The following RBAK variants were observed in gnomAD, a reference collection of about 807,000 sequenced individuals.
RBAK encodes the protein RB associated KRAB zinc finger.
A neutral mutation model predicts 65.8 loss-of-function variants in RBAK; 39 were observed. The observed-to-expected ratio is 0.59, with a 90% CI of 0.46 to 0.77. The LOEUF (loss-of-function observed/expected upper bound fraction) is 0.77, where lower values mean the gene tolerates loss of function less well. Ranked by LOEUF, RBAK falls within the 30% of genes least tolerant of loss-of-function variation. The pLI is 0.00. For synonymous variants in RBAK, 343 were observed against 289.7 expected, an observed-to-expected ratio of 1.18 and a Z score of -1.87; for missense variants, 884 against 855.1, an observed-to-expected ratio of 1.03 and a Z score of -0.42.
At chr7:5,058,366 G>A (rs559812609) in intron 4 of RBAK, among the ~76,000 whole-genome samples, 5 of 152,208 alleles carry the variant, frequency 3.3e-5, no homozygotes, top group Non-Finnish European at 2.9e-5. Context: ...TGAGGCTCCC[G>A]GCCTTACAGA....
chr7:5,057,595 A>T (rs554379462), intron 3 of RBAK, 89 bp from the exon 4 acceptor site: 2 of 1,594,716 alleles, frequency 1.3e-6, no homozygotes, highest in African/African-American at 1.3e-5. Flanking sequence ...CACTTCTGTT[A>T]TGCAGCTTAT....
chr7:5,055,431 A>C (rs189898441), intron 2 of RBAK, among the ~76,000 whole-genome samples: 2 of 152,160 alleles, frequency 1.3e-5, no homozygotes, highest in Admixed American at 1.3e-4. Flanking sequence ...TGAAGTATCC[A>C]TCAGTTTCTA....
chr7:5,063,323 C>T (rs148559702), intron 4 of RBAK, among the ~76,000 whole-genome samples: 26 of 152,300 alleles, frequency 1.7e-4, no homozygotes, highest in East Asian at 1.5e-3. Flanking sequence ...CTGGATCTGA[C>T]GTACTTTCAA....
Position 5,056,211 on chromosome 7 carries a change from G to C in RBAK, c.16-1084G>C, listed in dbSNP as rs1265563129. Among the ~76,000 whole-genome samples the C allele has an allele frequency of 4.0e-5, 6 of 149,390 alleles. No homozygotes were observed. In the Admixed American group the frequency reaches 4.0e-4, roughly 10 times the overall value. On this transcript the variant is annotated intron_variant, in intron 2 of 4. Coordinates refer to ENST00000396912, the MANE Select transcript of RBAK (RefSeq NM_021163.4). ...CAGCCTTGACCTCCCAGGCTCAAGT[G>C]ATCCTCCTGCCTTAGCCTCCCAAGT...
intron 3 of RBAK, 113 bp from the exon 4 acceptor site, chr7:5,057,571 G>C: frequency 6.3e-7 from 1 of 1,583,742 alleles, no homozygotes; most frequent in Non-Finnish European, 8.6e-7. Context: ...ACTTTGATAA[G>C]GTAAAAAATG....
rs1346079548 is a variant in RBAK at position 5,068,460 on chromosome 7, G to T, written c.*2859G>T. On this transcript the variant is annotated 3_prime_UTR_variant, in exon 5 of 5. Coordinates refer to ENST00000396912, the MANE Select transcript of RBAK (RefSeq NM_021163.4). ...TAGAGGATATCCAGACGGCCAATAA[G>T]CATGAAAAGATGTGTTAGCTTTATT... 1 of 152,198 alleles carries T rather than the reference G, an allele frequency of 6.6e-6. No homozygotes were observed. The highest frequency in any genetic ancestry group is 1.5e-5 in the Non-Finnish European group (1 of 68,024). 9.4% of individuals were successfully genotyped at this position (152,198 alleles called of 1,614,324 possible).
rs978022332 is a variant in RBAK, at chr7:5,064,723, C to T, written c.1267C>T (p.His423Tyr). 1.2e-6 allele frequency: 2 copies of T among 1,613,466 alleles called. No homozygotes were observed. Among genetic ancestry groups the T allele is most frequent in the Non-Finnish European group, 1.7e-6 (2 of 1,179,536 alleles). Residue 423 changes from histidine (H) to tyrosine (Y), a missense_variant, in exon 5 of 5, where the codon CAC becomes TAC. Physicochemically the swap from His to Tyr is moderately conservative, Grantham distance 83. Coordinates refer to ENST00000396912, the MANE Select transcript of RBAK (RefSeq NM_021163.4). This position sits in a 1 kb window ranked among gnomAD's most constrained non-coding sequence, Gnocchi z 6.3. ...TACTCTGATTACACATCAGAGAACA[C>T]ACACGGGAGAGAAGCCCTATCAGTG... Reference protein sequence around the residue: ...KSTLITHQRTHTGEKPYQCSE... With the variant: ...KSTLITHQRTYTGEKPYQCSE...
At chr7:5,060,938 A>C (rs1360917116) in intron 4 of RBAK, among the ~76,000 whole-genome samples, 1 of 152,230 alleles carries the variant, frequency 6.6e-6, no homozygotes, top group East Asian at 1.9e-4. Context: ...ACATAAAAAT[A>C]AAAGTACATC....
chr7:5,057,878 C>T lies in RBAK; in HGVS notation c.238+99C>T, dbSNP rs1023235037. ...ATGTATTCAGTACCCTCAGTAACAC[C>T]TCCCAACCCCCAAATATCACTTTCC... On this transcript the variant is annotated intron_variant, in intron 4 of 4. Coordinates refer to ENST00000396912, the MANE Select transcript of RBAK (RefSeq NM_021163.4). 89 of 1,191,650 alleles carry T rather than the reference C, an allele frequency of 7.5e-5. 2 individuals carry two copies. The African/African-American group carries it at 1.0e-3, about 14-fold the overall frequency. 73.8% of individuals were successfully genotyped at this position (1,191,650 alleles called of 1,614,324 possible). A position where few individuals can be genotyped will look rare whatever the true frequency, so the allele number is the denominator to read the frequency against.
chr7:5,050,592 TTC>T (rs1788094415), intron 2 of RBAK, among the ~76,000 whole-genome samples: 8 of 152,282 alleles, frequency 5.3e-5, no homozygotes, highest in African/African-American at 1.2e-4. Flanking sequence ...TTCTTTTCTT[TTC>T]TTTTTTTGGA....
At chr7:5,049,024 C>T (rs182077540) in intron 2 of RBAK, among the ~76,000 whole-genome samples, 266 of 152,254 alleles carry the variant, frequency 1.7e-3, no homozygotes, top group Middle Eastern at 3.4e-3. Flanking sequence ...ATTTGGTTGG[C>T]GACACAAAGC....
intron 2 of RBAK, among the ~76,000 whole-genome samples, chr7:5,051,600 G>A (rs554081403): frequency 6.6e-6 from 1 of 152,254 alleles, no homozygotes; most frequent in African/African-American, 2.4e-5. Context: ...ATTCAGTCTA[G>A]GACTGTCAAT....
chr7:5,057,769 A>C lies in RBAK; in HGVS notation c.228A>C (p.Gln76His), dbSNP rs369245518. The change falls in exon 4 of 5, where the codon CAA becomes CAC. Residue 76 changes from glutamine to histidine, a missense_variant. By Grantham distance (24) the Gln-to-His change is conservative (BLOSUM62 0). Coordinates refer to ENST00000396912, the MANE Select transcript of RBAK (RefSeq NM_021163.4). ...TAATGGGAGGTGAATTTCCATGTCAACATAGTCCAGGTAAGTTAGTAGCGT... is the reference window on the plus strand; with the variant it reads ...TAATGGGAGGTGAATTTCCATGTCACCATAGTCCAGGTAAGTTAGTAGCGT... ...PWIMGGEFPC[Q>H]HSPEAWRVDD... 77 of 1,613,920 alleles carry C rather than the reference A, an allele frequency of 4.8e-5. No individual in the cohort carries two copies. The African/African-American group carries it at 8.5e-4, about 18-fold the overall frequency.
intron 4 of RBAK, among the ~76,000 whole-genome samples, chr7:5,061,845 C>A (rs1480200354): frequency 1.3e-5 from 2 of 151,686 alleles, no homozygotes; most frequent in African/African-American, 4.8e-5. Flanking sequence ...TTGCAGTGAG[C>A]CAAAATGGTG....
Position 5,066,245 on chromosome 7 carries a change from ATAATATT to A in RBAK, c.*650_*656del, listed in dbSNP as rs1210952187. The A allele has an allele frequency of 1.3e-5, 2 of 152,584 alleles. No homozygotes were observed. Among genetic ancestry groups the A allele is most frequent in the Non-Finnish European group, 2.9e-5 (2 of 68,016 alleles). 9.5% of individuals were successfully genotyped at this position (152,584 alleles called of 1,614,324 possible). ...TAAGACAGGACATATTGTTGGTGAG[ATAATATT>A]TAATAGGTATAAAATGGTAAAATAC... On this transcript the variant is annotated 3_prime_UTR_variant, in exon 5 of 5. Transcript: ENST00000396912.
chr7:5,058,335 A>G (rs541564312), intron 4 of RBAK, among the ~76,000 whole-genome samples: 11 of 152,294 alleles, frequency 7.2e-5, no homozygotes, highest in African/African-American at 2.6e-4. Flanking sequence ...TCAGCCTCCC[A>G]AAGTGCTGAG....
rs769335141 is a variant in RBAK, at chr7:5,064,740, C to G, written c.1284C>G (p.Pro428=). 1.2e-6 allele frequency: 2 copies of G among 1,614,024 alleles called. No individual in the cohort carries two copies. The highest frequency in any genetic ancestry group is 2.2e-5 in the South Asian group (2 of 91,076). Reference sequence around the variant, plus strand: ...AGAGAACACACACGGGAGAGAAGCCCTATCAGTGTAGCGAGTGTGGGAAAT... The same window carrying G: ...AGAGAACACACACGGGAGAGAAGCCGTATCAGTGTAGCGAGTGTGGGAAAT... ...THQRTHTGEK[P]YQCSECGKFF... The change falls in exon 5 of 5, where the codon CCC becomes CCG. Residue 428 remains proline (P), a synonymous_variant. Transcript: ENST00000396912. The surrounding 1 kb of genome is among the most constrained non-coding windows in gnomAD (Gnocchi z 6.3).
chr7:5,051,834 C>T (rs1395721935), intron 2 of RBAK, among the ~76,000 whole-genome samples: 1 of 152,182 alleles, frequency 6.6e-6, no homozygotes, highest in Non-Finnish European at 1.5e-5. Flanking sequence ...TGGGAAACTT[C>T]TGTGCATGCT....
chr7:5,056,270 G>T (rs1161736540), intron 2 of RBAK, among the ~76,000 whole-genome samples: 2 of 151,644 alleles, frequency 1.3e-5, no homozygotes, highest in Non-Finnish European at 2.9e-5. Context: ...ATGATGCCCA[G>T]CCAATTTTTT....
Sources: allele counts gnomAD v4.1 joint callset (sites outside exome capture counted in the v4.1 genomes callset), GRCh38; gene constraint gnomAD v4.1.1; non-coding constraint Gnocchi (gnomAD v3.1); transcripts MANE v1.5; gene names NCBI Gene and HGNC (gene_info 2026-07-23, HGNC 2026-07-21).